ELOVL7: variants seen among roughly 807,000 people sequenced by gnomAD.
The protein encoded by ELOVL7 is ELOVL fatty acid elongase 7.
In ELOVL7, 27 loss-of-function variants were observed where a neutral mutation model predicts 35.7. The ratio of observed to expected loss-of-function variants is 0.76; its 90% CI spans 0.56 to 1.04. ELOVL7 has a LOEUF of 1.04. Among genes scored for constraint, ELOVL7 ranks in the 50% least tolerant of loss-of-function variants. The pLI is 0.00. For missense variants in ELOVL7, 327 were observed against 340.8 expected, an observed-to-expected ratio of 0.96 and a Z score of 0.32; for synonymous variants, 113 against 114.6, an observed-to-expected ratio of 0.99 and a Z score of 0.09.
At chr5:60,806,391 T>C (rs771106146) in intron 1 of ELOVL7, among the ~76,000 whole-genome samples, 8 of 152,136 alleles carry the variant, frequency 5.3e-5, no homozygotes, top group Non-Finnish European at 1.0e-4. Context: ...CAGGGTTACC[T>C]ATAAAAAGAG....
rs536286847 is a variant in ELOVL7, at chr5:60,758,358, A to G, written c.500-713T>C. Among the ~76,000 whole-genome samples the G allele has an allele frequency of 2.0e-5, 3 of 152,306 alleles. No homozygotes were observed. The South Asian group carries it at 6.2e-4, about 32-fold the overall frequency. On this transcript the variant is annotated intron_variant, in intron 7 of 8. Transcript: ENST00000508821. ...TTCCAATTTGGGCTATTCTGAATAA[A>G]GCTGCTAAGAATATTTTTTTATATG... is the stretch of plus-strand genomic sequence containing the variant.
At chr5:60,761,291 C>T (rs1741894612) in intron 7 of ELOVL7, among the ~76,000 whole-genome samples, 1 of 152,096 alleles carries the variant, frequency 6.6e-6, no homozygotes, top group Admixed American at 6.6e-5. Context: ...TAAAAACCTA[C>T]CACAGAAATA....
At chr5:60,811,103 A>T (rs1745214083) in intron 1 of ELOVL7, among the ~76,000 whole-genome samples, 1 of 152,116 alleles carries the variant, frequency 6.6e-6, no homozygotes, top group African/African-American at 2.4e-5. Flanking sequence ...TTCTCAAAAG[A>T]TCTTCTTTAC....
rs551010644 is a variant in ELOVL7 at position 60,835,839 on chromosome 5, C to T, written c.-86+8321G>A. Among the ~76,000 whole-genome samples the T allele has an allele frequency of 9.2e-5, 14 of 152,132 alleles. No homozygotes were observed. The South Asian group carries it at 2.3e-3, about 25-fold the overall frequency. ...TTTGCACTTACGTTTCATAAGTTCACGCATATCTAAATTATCTATCACAAT... is the reference window on the plus strand; with the variant it reads ...TTTGCACTTACGTTTCATAAGTTCATGCATATCTAAATTATCTATCACAAT... On this transcript the variant is annotated intron_variant, in intron 1 of 8. Coordinates refer to ENST00000508821, the MANE Select transcript of ELOVL7 (RefSeq NM_024930.3).
intron 1 of ELOVL7, among the ~76,000 whole-genome samples, chr5:60,843,180 G>C (rs1346685758): frequency 1.3e-5 from 2 of 152,138 alleles, no homozygotes; most frequent in African/African-American, 4.8e-5. Flanking sequence ...CGAGGAACTC[G>C]GGTCGCTAAA....
At chr5:60,825,811 T>A (rs1746137828) in intron 1 of ELOVL7, among the ~76,000 whole-genome samples, 1 of 152,228 alleles carries the variant, frequency 6.6e-6, no homozygotes, top group African/African-American at 2.4e-5. Context: ...ATAGAAAGGC[T>A]ATAATACCCA....
At chr5:60,767,708 C>T (rs1742327016) in intron 5 of ELOVL7, 115 bp downstream of exon 5, 1 of 650,598 alleles carries the variant, frequency 1.5e-6, no homozygotes, top group Non-Finnish European at 2.8e-6. Context: ...CCACAACACA[C>T]ACAATCTGAT....
At chr5:60,792,344 C>A (rs990528293) in intron 2 of ELOVL7, among the ~76,000 whole-genome samples, 7 of 152,172 alleles carry the variant, frequency 4.6e-5, no homozygotes, top group Non-Finnish European at 8.8e-5. Flanking sequence ...ACCTGATCCC[C>A]CTTACCTTGT....
intron 3 of ELOVL7, among the ~76,000 whole-genome samples, chr5:60,779,528 C>T (rs1462252898): frequency 6.6e-6 from 1 of 152,226 alleles, no homozygotes; most frequent in East Asian, 1.9e-4. Context: ...ATGGCCCAAG[C>T]TGCACCTTGG....
intron 1 of ELOVL7, among the ~76,000 whole-genome samples, chr5:60,834,204 T>G (rs969605981): frequency 1.3e-5 from 2 of 152,126 alleles, no homozygotes; most frequent in Non-Finnish European, 2.9e-5. Context: ...TGCAGTGGCA[T>G]GATCTCGGCT....
chr5:60,766,674 G>C (rs774636906), intron 5 of ELOVL7, 44 bp from the exon 6 acceptor site: 2 of 1,552,816 alleles, frequency 1.3e-6, no homozygotes, highest in South Asian at 2.3e-5. Context: ...GTATATGGAA[G>C]AAAAGCTTAT....
chr5:60,813,890 C>G lies in ELOVL7; in HGVS notation c.-85-14660G>C, dbSNP rs966299962. On this transcript the variant is annotated intron_variant, in intron 1 of 8. Transcript: ENST00000508821. ...TCATCAAATTATGATAAAGCCCAGA[C>G]AAGCAAAACAAAATACGAAGGTCTC... 2.0e-5 allele frequency among the ~76,000 whole-genome samples: 3 copies of G among 152,110 alleles called. No individual in the cohort carries two copies. The South Asian group carries it at 6.2e-4, about 31-fold the overall frequency.
At chr5:60,756,591 G>A (rs1741553333) in intron 8 of ELOVL7, among the ~76,000 whole-genome samples, 3 of 152,024 alleles carry the variant, frequency 2.0e-5, no homozygotes, top group Non-Finnish European at 4.4e-5. Context: ...AAATAACTCT[G>A]CAAGGAAATA....
At chr5:60,804,008 C>T (rs1247437305) in intron 1 of ELOVL7, among the ~76,000 whole-genome samples, 1 of 152,154 alleles carries the variant, frequency 6.6e-6, no homozygotes, top group African/African-American at 2.4e-5. Flanking sequence ...AATTCAGATT[C>T]CATTTCTGTT....
At chr5:60,792,172 A>G (rs1743979713) in intron 2 of ELOVL7, among the ~76,000 whole-genome samples, 1 of 152,154 alleles carries the variant, frequency 6.6e-6, no homozygotes, top group Non-Finnish European at 1.5e-5. Context: ...CAGAGTTATG[A>G]AAAAGATCCA....
chr5:60,805,782 C>T, intron 1 of ELOVL7, among the ~76,000 whole-genome samples: 1 of 152,172 alleles, frequency 6.6e-6, no homozygotes, highest in Admixed American at 6.5e-5. Context: ...TATGGGATCA[C>T]TTCCTGTATA....
chr5:60,799,452 A>G (rs548856008), intron 1 of ELOVL7, among the ~76,000 whole-genome samples: 3 of 152,214 alleles, frequency 2.0e-5, no homozygotes, highest in Non-Finnish European at 4.4e-5. Flanking sequence ...CACGAAGGAA[A>G]AAAAAGAGTA....
chr5:60,840,219 T>C (rs1485181601), intron 1 of ELOVL7, among the ~76,000 whole-genome samples: 6 of 152,126 alleles, frequency 3.9e-5, no homozygotes, highest in African/African-American at 1.4e-4. Context: ...TAACCCCCAA[T>C]ACCTCACAGT....
At chr5:60,761,424 T>TGGAATGGACAGTTTCATCCTA (rs1490269582) in intron 7 of ELOVL7, among the ~76,000 whole-genome samples, 1 of 152,176 alleles carries the variant, frequency 6.6e-6, no homozygotes, top group Non-Finnish European at 1.5e-5. Context: ...AAAATCAGTT[T>TGGAATGGACAGTTTCATCCTA]GGAATGGACA....
Sources: allele counts gnomAD v4.1 joint callset (sites outside exome capture counted in the v4.1 genomes callset), GRCh38; gene constraint gnomAD v4.1.1; transcripts MANE v1.5; gene names NCBI Gene and HGNC (gene_info 2026-07-23, HGNC 2026-07-21).